Variants in GNA12 observed in about 807,000 individuals in gnomAD.
GNA12 encodes the protein G protein subunit alpha 12, also known as guanine nucleotide-binding protein subunit alpha-12.
Under a neutral mutation model 26.0 loss-of-function variants are expected in GNA12, and 9 were observed. That is an observed-to-expected ratio of 0.35 (90% CI 0.21 to 0.60). The LOEUF (loss-of-function observed/expected upper bound fraction) is 0.60, where lower values mean the gene tolerates loss of function less well. GNA12 is among the 20% of genes least tolerant of loss of function. The probability of loss-of-function intolerance (pLI) is 0.78; values close to 1 mark genes in which losing one functional copy is unlikely to be tolerated. For synonymous variants in GNA12, 264 were observed against 219.6 expected (o/e 1.20, Z -1.79); for missense variants, 405 against 525.8 (o/e 0.77, Z 2.25).
In GNA12 at chr7:2,767,250, C is replaced by T. The variant is rs571716479; in HGVS notation, c.525+27678G>A. On this transcript the variant is annotated intron_variant, in intron 2 of 3. Transcript: ENST00000275364. ...AAAATGTTTACATTTGATGTGCTCC[C>T]ATTGGTCTATGTTTTCTTTTGTTGC... Among the ~76,000 whole-genome samples, 18 of 152,296 alleles carry T rather than the reference C, an allele frequency of 1.2e-4. No homozygotes were observed. In the South Asian group the frequency reaches 3.7e-3, roughly 32 times the overall value.
Position 2,729,630 on chromosome 7 carries a change from CCAA to C in GNA12, c.*1548_*1550del, listed in dbSNP as rs1415280018. 101 of 152,478 alleles carry C rather than the reference CCAA, an allele frequency of 6.6e-4. No homozygotes were observed. The highest frequency in any genetic ancestry group is 2.3e-3 in the African/African-American group (97 of 41,570). 9.4% of individuals were successfully genotyped at this position (152,478 alleles called of 1,614,324 possible). ...GTTTACCGGGTTTGCGGAAAACAAG[CCAA>C]GGGTGAGCTGCAGAGGGGCTCGGGG... On this transcript the variant is annotated 3_prime_UTR_variant, in exon 4 of 4. Transcript: ENST00000275364.
intron 1 of GNA12, among the ~76,000 whole-genome samples, chr7:2,820,892 C>T (rs543649606): frequency 1.3e-5 from 2 of 152,352 alleles, no homozygotes; most frequent in South Asian, 4.1e-4. Flanking sequence ...GCATGCACCA[C>T]CATGGCCAGC....
intron 2 of GNA12, among the ~76,000 whole-genome samples, chr7:2,769,156 G>A (rs949165899): frequency 6.6e-6 from 1 of 152,028 alleles, no homozygotes; most frequent in African/African-American, 2.4e-5. Context: ...CAACCGTCTT[G>A]GCCTCCCAAA....
intron 1 of GNA12, among the ~76,000 whole-genome samples, chr7:2,819,571 C>T (rs1486157683): frequency 2.6e-5 from 4 of 152,134 alleles, no homozygotes; most frequent in Non-Finnish European, 5.9e-5. Flanking sequence ...ATTCCCTAGT[C>T]TGCATAAAAG....
At chr7:2,837,362 T>A (rs1383207351) in intron 1 of GNA12, among the ~76,000 whole-genome samples, 2 of 152,106 alleles carry the variant, frequency 1.3e-5, no homozygotes, top group Non-Finnish European at 2.9e-5. Context: ...TTAACAAAAG[T>A]GCTAACAGCC....
intron 1 of GNA12, chr7:2,814,188 T>A (rs1429685755): frequency 1.5e-6 from 1 of 651,542 alleles, no homozygotes; most frequent in African/African-American, 1.8e-5. Flanking sequence ...ATCACGTGAG[T>A]GAAATTCTCC....
rs1052830518 is a variant in GNA12 at position 2,731,856 on chromosome 7, G to C, written c.577-106C>G. On this transcript the variant is annotated intron_variant, in intron 3 of 3. Transcript: ENST00000275364. The surrounding 1 kb of genome is among the most constrained non-coding windows in gnomAD (Gnocchi z 6.0). ...ATAAGAAGGAAAGAGACTGACTTTT[G>C]CAACAGGTTGAACCAGAAACCAAAA... 5 of 604,836 alleles carry C rather than the reference G, an allele frequency of 8.3e-6. No individual in the cohort carries two copies. In the East Asian group the frequency reaches 8.5e-5, roughly 10 times the overall value. The allele number at this position is 604,836 out of a possible 1,614,324, so 37.5% of individuals were successfully genotyped here. A position where few individuals can be genotyped will look rare whatever the true frequency, so the allele number is the denominator to read the frequency against.
At chr7:2,841,612 A>C (rs1205130218) in intron 1 of GNA12, among the ~76,000 whole-genome samples, 3 of 152,060 alleles carry the variant, frequency 2.0e-5, no homozygotes, top group Non-Finnish European at 4.4e-5. Context: ...AGGGTGTTTT[A>C]TCAAATTATT....
chr7:2,778,184 A>G (rs1381020517), intron 2 of GNA12, among the ~76,000 whole-genome samples: 1 of 152,214 alleles, frequency 6.6e-6, no homozygotes, highest in Non-Finnish European at 1.5e-5. Context: ...AAAAAAAAGC[A>G]TATTTCGCCA....
intron 1 of GNA12, among the ~76,000 whole-genome samples, chr7:2,809,231 C>T (rs1418194313): frequency 6.6e-6 from 1 of 152,118 alleles, no homozygotes; most frequent in Non-Finnish European, 1.5e-5. Context: ...GTCCCCAGGG[C>T]CGGCACAGAG....
rs558014174 is a variant in GNA12 at position 2,728,479 on chromosome 7, A to C, written c.*2702T>G. On this transcript the variant is annotated 3_prime_UTR_variant, in exon 4 of 4. Transcript: ENST00000275364. ...AAATCCTTGAAACAATTTCTCTACG[A>C]ACATAAGAGTTAAAAATAGATTTCA... The C allele has an allele frequency of 9.2e-5, 14 of 152,486 alleles. No individual in the cohort carries two copies. Among genetic ancestry groups the C allele is most frequent in the African/African-American group, 3.1e-4 (13 of 41,576 alleles). 9.4% of individuals were successfully genotyped at this position (152,486 alleles called of 1,614,324 possible). A position where few individuals can be genotyped will look rare whatever the true frequency, so the allele number is the denominator to read the frequency against.
rs141690815 is a variant in GNA12, at chr7:2,759,836, G to A, written c.526-26335C>T. Among the ~76,000 whole-genome samples, 706 of 152,268 alleles carry A rather than the reference G, an allele frequency of 4.6e-3. 2 individuals carry two copies. Among genetic ancestry groups the A allele is most frequent in the Non-Finnish European group, 8.3e-3 (567 of 68,036 alleles). On this transcript the variant is annotated intron_variant, in intron 2 of 3. Transcript: ENST00000275364. ...CCAGGCAGTTTCTGCAACGGGTGCA[G>A]ATGCCGTCCAATGCGATTGTCCGCC...
Position 2,768,527 on chromosome 7 carries a change from G to T in GNA12, c.525+26401C>A, listed in dbSNP as rs564004834. 4.9e-3 allele frequency among the ~76,000 whole-genome samples: 739 copies of T among 152,218 alleles called. 3 individuals carry two copies. Among genetic ancestry groups the T allele is most frequent in the African/African-American group, 0.016 (680 of 41,514 alleles). The stretch of plus-strand genomic sequence containing the variant: ...GAGACATGCCCTTAAAATCATGGAT[G>T]TAACACTCAGGAAAACAAAGGTTAG... On this transcript the variant is annotated intron_variant, in intron 2 of 3. Transcript: ENST00000275364.
chr7:2,834,231 T>C (rs1778764477), intron 1 of GNA12, among the ~76,000 whole-genome samples: 2 of 152,278 alleles, frequency 1.3e-5, no homozygotes, highest in East Asian at 1.9e-4. Flanking sequence ...CTGATAAATG[T>C]AGAGGCATTA....
intron 2 of GNA12, among the ~76,000 whole-genome samples, chr7:2,770,393 T>C (rs1011179414): frequency 2.0e-5 from 3 of 152,042 alleles, no homozygotes; most frequent in Middle Eastern, 6.8e-3. Flanking sequence ...GCTCAAAGAG[T>C]TCAATTCTGA....
At chr7:2,840,870 A>T (rs891576157) in intron 1 of GNA12, among the ~76,000 whole-genome samples, 1 of 152,218 alleles carries the variant, frequency 6.6e-6, no homozygotes, top group Non-Finnish European at 1.5e-5. Context: ...TAAAAATAAA[A>T]AAATAAAATA....
At chr7:2,783,653 T>C (rs1183481670) in intron 2 of GNA12, among the ~76,000 whole-genome samples, 6 of 35,016 alleles carry the variant, frequency 1.7e-4, no homozygotes, top group Admixed American at 3.4e-4. Flanking sequence ...GTAACACATT[T>C]ATTTATTTAT....
chr7:2,803,792 CCAAAA>C (rs372828318), intron 1 of GNA12, among the ~76,000 whole-genome samples: 14 of 149,592 alleles, frequency 9.4e-5, no homozygotes, highest in African/African-American at 2.7e-4. Flanking sequence ...TCCTAAAAGT[CCAAAA>C]CAAAACAAAA....
At chr7:2,756,192 A>T (rs1254361470) in intron 2 of GNA12, among the ~76,000 whole-genome samples, 1 of 152,202 alleles carries the variant, frequency 6.6e-6, no homozygotes, top group Non-Finnish European at 1.5e-5. Flanking sequence ...GGCAACTCAA[A>T]TGAGGAAAGG....
Sources: allele counts gnomAD v4.1 joint callset (sites outside exome capture counted in the v4.1 genomes callset), GRCh38; gene constraint gnomAD v4.1.1; non-coding constraint Gnocchi (gnomAD v3.1); transcripts MANE v1.5; gene names NCBI Gene and HGNC (gene_info 2026-07-23, HGNC 2026-07-21).